Variants in DCDC1 observed in about 807,000 individuals in gnomAD.
DCDC1 encodes doublecortin domain-containing protein 1.
DCDC1 carries 200 observed loss-of-function variants against 178.3 expected under a neutral mutation model. The ratio of observed to expected loss-of-function variants is 1.12; its 90% CI spans 1.00 to 1.26. The LOEUF is 1.26. DCDC1 is among the 50% of genes most tolerant of loss of function. The pLI, the probability that DCDC1 is intolerant of heterozygous loss-of-function variation, is 0.00. For missense variants in DCDC1, 1,983 were observed against 1,749.2 expected (o/e 1.13, Z -2.38); for synonymous variants, 690 against 604.8 (o/e 1.14, Z -2.07).
intron 9 of DCDC1, among the ~76,000 whole-genome samples, chr11:31,164,818 C>T (rs921243890): frequency 6.6e-6 from 1 of 152,130 alleles, no homozygotes; most frequent in African/African-American, 2.4e-5. Flanking sequence ...CAGTAGCGTT[C>T]AGTAATATCC....
At chr11:31,148,737 G>C (rs1964777447) in intron 9 of DCDC1, among the ~76,000 whole-genome samples, 1 of 151,530 alleles carries the variant, frequency 6.6e-6, no homozygotes, top group African/African-American at 2.4e-5. Context: ...CTTTGATCCA[G>C]AAATTCCACT....
intron 20 of DCDC1, among the ~76,000 whole-genome samples, chr11:31,048,416 A>C (rs764024854): frequency 6.6e-6 from 1 of 152,194 alleles, no homozygotes; most frequent in African/African-American, 2.4e-5. Context: ...TGCATCCTAC[A>C]TTGTTTCTGG....
intron 2 of DCDC1, among the ~76,000 whole-genome samples, chr11:31,328,855 A>G (rs1215775026): frequency 6.6e-6 from 1 of 151,132 alleles, no homozygotes; most frequent in African/African-American, 2.4e-5. Flanking sequence ...GTTTGTTGGA[A>G]AACATTTTAA....
intron 20 of DCDC1, among the ~76,000 whole-genome samples, chr11:31,058,360 C>T (rs952404947): frequency 6.6e-5 from 10 of 152,188 alleles, no homozygotes; most frequent in South Asian, 2.1e-4. Context: ...GGGTATGTTC[C>T]GGCCCTGGAG....
At chr11:31,250,415 C>CACACACATATATAT (rs1223526182) in intron 8 of DCDC1, among the ~76,000 whole-genome samples, 4 of 73,724 alleles carry the variant, frequency 5.4e-5, no homozygotes, top group African/African-American at 2.1e-4. Flanking sequence ...CACACACACA[C>CACACACATATATAT]ATATACATAT....
intron 25 of DCDC1, among the ~76,000 whole-genome samples, chr11:30,919,408 C>G (rs1946083435): frequency 6.6e-6 from 1 of 152,114 alleles, no homozygotes; most frequent in Non-Finnish European, 1.5e-5. Context: ...CTGAGAGAAC[C>G]CAATCACTTT....
chr11:31,329,419 G>A (rs373100944), intron 2 of DCDC1, among the ~76,000 whole-genome samples: 10 of 151,976 alleles, frequency 6.6e-5, no homozygotes, highest in African/African-American at 2.4e-4. Context: ...TATACTTTAA[G>A]TTCCAGGGTA....
chr11:31,260,129 C>T (rs1189387219), intron 8 of DCDC1, among the ~76,000 whole-genome samples: 1 of 152,068 alleles, frequency 6.6e-6, no homozygotes, highest in Non-Finnish European at 1.5e-5. Flanking sequence ...CATTCCAGCT[C>T]CAATCAGGCA....
intron 10 of DCDC1, among the ~76,000 whole-genome samples, chr11:31,131,270 TGGG>T (rs1275458770): frequency 2.0e-5 from 3 of 150,742 alleles, no homozygotes; most frequent in African/African-American, 7.3e-5. Flanking sequence ...AGAAGGTGAT[TGGG>T]GGAAATGAGA....
At chr11:31,139,738 C>T (rs1379814550) in intron 9 of DCDC1, among the ~76,000 whole-genome samples, 1 of 151,984 alleles carries the variant, frequency 6.6e-6, no homozygotes, top group Non-Finnish European at 1.5e-5. Context: ...GAATTCTTTA[C>T]CTTTGAAAGC....
At chr11:30,903,751 T>G in intron 31 of DCDC1, 68 bp from the exon 32 acceptor site, 1 of 1,276,972 alleles carries the variant, frequency 7.8e-7, no homozygotes, top group African/African-American at 1.5e-5. Context: ...CATTAAGAGC[T>G]TGTCATTCTA....
intron 11 of DCDC1, among the ~76,000 whole-genome samples, chr11:31,119,127 G>A (rs1960413953): frequency 6.6e-6 from 1 of 152,120 alleles, no homozygotes; most frequent in South Asian, 2.1e-4. Context: ...AGCACCTGCC[G>A]CTAATTAGCT....
intron 18 of DCDC1, among the ~76,000 whole-genome samples, chr11:31,067,611 T>C (rs1050845045): frequency 6.6e-6 from 1 of 152,160 alleles, no homozygotes; most frequent in African/African-American, 2.4e-5. Context: ...GCAACATTAT[T>C]CATAGTAGCC....
chr11:31,003,090 A>C (rs1951661813), intron 20 of DCDC1, among the ~76,000 whole-genome samples: 1 of 149,218 alleles, frequency 6.7e-6, no homozygotes, highest in Non-Finnish European at 1.5e-5. Context: ...ATCTTTAAAT[A>C]TATATATATA....
chr11:31,236,404 A>G (rs1976472052), intron 9 of DCDC1, among the ~76,000 whole-genome samples: 1 of 152,054 alleles, frequency 6.6e-6, no homozygotes, highest in African/African-American at 2.4e-5. Context: ...TCAGATCACA[A>G]GTTTACTGCC....
chr11:31,339,947 A>C (rs549270168), intron 1 of DCDC1, among the ~76,000 whole-genome samples: 2 of 152,242 alleles, frequency 1.3e-5, no homozygotes, highest in South Asian at 4.2e-4. Flanking sequence ...CTGTGGTTGC[A>C]TATGTACCCA....
intron 20 of DCDC1, among the ~76,000 whole-genome samples, chr11:31,061,055 C>T (rs1366965279): frequency 1.3e-5 from 2 of 152,092 alleles, no homozygotes; most frequent in Admixed American, 1.3e-4. Context: ...GCTAGCAAAC[C>T]CTTCAGCACT....
intron 9 of DCDC1, among the ~76,000 whole-genome samples, chr11:31,189,059 T>C (rs933380892): frequency 9.8e-5 from 15 of 152,288 alleles, no homozygotes; most frequent in Non-Finnish European, 1.9e-4. Flanking sequence ...AATTTGTTGG[T>C]GCCTTCATCT....
At chr11:31,139,430 G>A (rs190174235) in intron 9 of DCDC1, among the ~76,000 whole-genome samples, 1 of 152,274 alleles carries the variant, frequency 6.6e-6, no homozygotes, top group Admixed American at 6.5e-5. Flanking sequence ...TGTGAACCAT[G>A]GCACAACATA....
Sources: allele counts gnomAD v4.1 joint callset (sites outside exome capture counted in the v4.1 genomes callset), GRCh38; gene constraint gnomAD v4.1.1; transcripts MANE v1.5; gene names NCBI Gene and HGNC (gene_info 2026-07-23, HGNC 2026-07-21).